The following EYS variants were observed in gnomAD, a reference collection of about 807,000 sequenced individuals.
The protein encoded by EYS is protein eyes shut homolog.
Under a neutral mutation model 282.1 loss-of-function variants are expected in EYS, and 250 were observed. The ratio of observed to expected loss-of-function variants is 0.89; its 90% CI spans 0.80 to 0.98. The LOEUF (loss-of-function observed/expected upper bound fraction) is 0.98, where lower values mean the gene tolerates loss of function less well. EYS is among the 50% of genes least tolerant of loss of function. EYS has a pLI of 0.00. For missense variants in EYS, 4,016 were observed against 3,709.0 expected (o/e 1.08, Z -2.15); for synonymous variants, 1,355 against 1,282.9 (o/e 1.06, Z -1.20).
chr6:65,221,368 T>C (rs554123088), intron 12 of EYS, among the ~76,000 whole-genome samples: 11 of 152,308 alleles, frequency 7.2e-5, no homozygotes, highest in Admixed American at 5.2e-4. Flanking sequence ...GCCATGCTGC[T>C]TTGCGCAGTC....
intron 12 of EYS, among the ~76,000 whole-genome samples, chr6:65,124,924 T>TA (rs1254548064): frequency 6.6e-6 from 1 of 152,152 alleles, no homozygotes; most frequent in African/African-American, 2.4e-5. Flanking sequence ...CAGTGGAGGG[T>TA]AAATTGCCTT....
At chr6:64,947,321 T>C (rs895836924) in intron 14 of EYS, among the ~76,000 whole-genome samples, 4 of 151,888 alleles carry the variant, frequency 2.6e-5, no homozygotes, top group Admixed American at 6.6e-5. Context: ...AATAAATGCA[T>C]GCTCCATGTA....
intron 12 of EYS, among the ~76,000 whole-genome samples, chr6:65,288,634 T>G (rs1254477182): frequency 6.6e-6 from 1 of 150,966 alleles, no homozygotes; most frequent in Non-Finnish European, 1.5e-5. Context: ...TTACCATACA[T>G]ATGGCAAAAG....
intron 26 of EYS, among the ~76,000 whole-genome samples, chr6:64,514,731 C>G (rs1777509024): frequency 6.6e-6 from 1 of 151,714 alleles, no homozygotes; most frequent in Admixed American, 6.6e-5. Context: ...CAGGTTCAAC[C>G]TAACCCTGTC....
At chr6:64,541,848 T>C (rs1350025720) in intron 26 of EYS, among the ~76,000 whole-genome samples, 1 of 152,188 alleles carries the variant, frequency 6.6e-6, no homozygotes, top group Middle Eastern at 3.2e-3. Flanking sequence ...GTTTTGTAGT[T>C]ATAAAGTTTT....
chr6:65,264,541 TG>T (rs1217903648), intron 12 of EYS, among the ~76,000 whole-genome samples: 1 of 152,100 alleles, frequency 6.6e-6, no homozygotes, highest in Non-Finnish European at 1.5e-5. Flanking sequence ...ATTGCAAATT[TG>T]GGTACTTTCG....
intron 35 of EYS, among the ~76,000 whole-genome samples, chr6:63,948,038 G>A (rs1389023196): frequency 6.6e-6 from 1 of 152,172 alleles, no homozygotes; most frequent in East Asian, 1.9e-4. Flanking sequence ...AATGACTCAT[G>A]AGTAAAAATA....
chr6:65,488,371 G>C (rs1289807371), intron 5 of EYS, among the ~76,000 whole-genome samples: 1 of 152,074 alleles, frequency 6.6e-6, no homozygotes, highest in African/African-American at 2.4e-5. Context: ...CTGGTACGTT[G>C]TGTCTTTGTT....
intron 26 of EYS, among the ~76,000 whole-genome samples, chr6:64,522,654 G>A (rs1311181945): frequency 6.6e-6 from 1 of 151,768 alleles, no homozygotes; most frequent in Non-Finnish European, 1.5e-5. Context: ...ATGGCCCCCA[G>A]TAATAGCTCT....
chr6:64,578,605 G>C (rs1765961240), intron 26 of EYS, among the ~76,000 whole-genome samples: 1 of 149,404 alleles, frequency 6.7e-6, no homozygotes, highest in Admixed American at 6.8e-5. Context: ...CTTTGTGTGT[G>C]TGTGTGTGTG....
At chr6:65,485,967 C>T (rs1765768315) in intron 5 of EYS, among the ~76,000 whole-genome samples, 1 of 152,068 alleles carries the variant, frequency 6.6e-6, no homozygotes, top group Non-Finnish European at 1.5e-5. Context: ...ATTGGTAGTG[C>T]CATTGGGAAT....
chr6:64,877,982 C>T (rs1766802054), intron 19 of EYS, among the ~76,000 whole-genome samples: 1 of 152,130 alleles, frequency 6.6e-6, no homozygotes, highest in African/African-American at 2.4e-5. Flanking sequence ...CCTGTAATCC[C>T]AGCACTTTGA....
intron 21 of EYS, among the ~76,000 whole-genome samples, chr6:64,820,071 G>T (rs1233205696): frequency 6.6e-6 from 1 of 151,978 alleles, no homozygotes; most frequent in Non-Finnish European, 1.5e-5. Context: ...TAGGTAAGCG[G>T]TGTGCTCATA....
intron 12 of EYS, among the ~76,000 whole-genome samples, chr6:65,078,980 T>C (rs568132128): frequency 6.6e-6 from 1 of 151,850 alleles, no homozygotes; most frequent in South Asian, 2.1e-4. Context: ...AAAAGCTTCA[T>C]GCGTCCTCCC....
rs533154024 is a variant in EYS at position 64,261,499 on chromosome 6, C to T, written c.6192-30675G>A. ...CTTATTTTATTGTCCAGAACTTGCACATAAATGGTAAATAGTAACGAAAAG... is the reference window on the plus strand; with the variant it reads ...CTTATTTTATTGTCCAGAACTTGCATATAAATGGTAAATAGTAACGAAAAG... On this transcript the variant is annotated intron_variant, in intron 30 of 42. Coordinates refer to ENST00000503581, the MANE Select transcript of EYS (RefSeq NM_001142800.2). Among the ~76,000 whole-genome samples the T allele has an allele frequency of 4.6e-5, 7 of 152,220 alleles. No homozygotes were observed. The East Asian group carries it at 1.4e-3, about 29-fold the overall frequency.
intron 12 of EYS, among the ~76,000 whole-genome samples, chr6:65,092,511 ACAAT>A (rs1229971121): frequency 6.6e-6 from 1 of 152,200 alleles, no homozygotes; most frequent in African/African-American, 2.4e-5. Context: ...TAATAATATA[ACAAT>A]CATCTTACTG....
intron 35 of EYS, among the ~76,000 whole-genome samples, chr6:63,983,104 T>A (rs138957584): frequency 6.6e-6 from 1 of 151,920 alleles, no homozygotes; most frequent in Admixed American, 6.6e-5. Flanking sequence ...GTGATGATAG[T>A]CAAGGAGATA....
At chr6:64,571,721 A>G (rs1255297298) in intron 26 of EYS, among the ~76,000 whole-genome samples, 2 of 152,210 alleles carry the variant, frequency 1.3e-5, no homozygotes. Flanking sequence ...CCCAAGACTA[A>G]ACCAGGAAGA....
chr6:64,307,225 T>A, intron 29 of EYS, 143 bp from the exon 30 acceptor site: 1 of 535,858 alleles, frequency 1.9e-6, no homozygotes, highest in East Asian at 3.2e-5. Flanking sequence ...GTACAGTAAT[T>A]CAAATATTTT....
Sources: gnomAD v4.1 joint callset for allele counts (sites outside exome capture counted in the v4.1 genomes callset) on GRCh38, gnomAD v4.1.1 for gene constraint, MANE v1.5 for transcripts, NCBI Gene and HGNC (gene_info 2026-07-23, HGNC 2026-07-21) for gene names.